LRRC8D: variants seen among roughly 807,000 people sequenced by gnomAD.
LRRC8D encodes the protein volume-regulated anion channel subunit LRRC8D.
LRRC8D carries 20 observed loss-of-function variants against 55.8 expected under a neutral mutation model. The observed-to-expected ratio is 0.36, with a 90% CI of 0.25 to 0.52. LRRC8D has a LOEUF of 0.52. Among genes scored for constraint, LRRC8D ranks in the 20% least tolerant of loss-of-function variants. The pLI is 0.93. For missense variants in LRRC8D, 651 were observed against 1,030.8 expected, an observed-to-expected ratio of 0.63 and a Z score of 5.05; for synonymous variants, 352 against 377.0, an observed-to-expected ratio of 0.93 and a Z score of 0.77.
intron 2 of LRRC8D, among the ~76,000 whole-genome samples, chr1:89,870,855 G>T (rs1661989502): frequency 6.6e-6 from 1 of 152,186 alleles, no homozygotes; most frequent in South Asian, 2.1e-4. Context: ...GTGAACATTT[G>T]TTCAATTTGG....
At chr1:89,850,925 G>A (rs1415251718) in intron 2 of LRRC8D, among the ~76,000 whole-genome samples, 1 of 152,042 alleles carries the variant, frequency 6.6e-6, no homozygotes, top group African/African-American at 2.4e-5. Context: ...TTAACTTTTT[G>A]CAGCTACACA....
At chr1:89,883,214 G>A (rs1662327803) in intron 2 of LRRC8D, among the ~76,000 whole-genome samples, 1 of 151,082 alleles carries the variant, frequency 6.6e-6, no homozygotes. Flanking sequence ...CAAAATACGT[G>A]TGTAGGCGTG....
intron 2 of LRRC8D, among the ~76,000 whole-genome samples, chr1:89,849,174 T>C (rs1661351289): frequency 6.6e-6 from 1 of 152,250 alleles, no homozygotes; most frequent in South Asian, 2.1e-4. Flanking sequence ...ATGATCATGG[T>C]TTGTTTAGTC....
At chr1:89,909,105 T>G (rs1663068799) in intron 2 of LRRC8D, among the ~76,000 whole-genome samples, 1 of 152,074 alleles carries the variant, frequency 6.6e-6, no homozygotes, top group South Asian at 2.1e-4. Context: ...TCTTTCAGTT[T>G]TTCAACAACA....
chr1:89,906,447 A>G (rs1345716008), intron 2 of LRRC8D, among the ~76,000 whole-genome samples: 2 of 152,178 alleles, frequency 1.3e-5, no homozygotes, highest in Non-Finnish European at 2.9e-5. Context: ...ACTTAACTGA[A>G]ACAACCCCAA....
intron 2 of LRRC8D, among the ~76,000 whole-genome samples, chr1:89,889,793 G>A (rs1207297331): frequency 6.6e-6 from 1 of 152,026 alleles, no homozygotes; most frequent in Non-Finnish European, 1.5e-5. Context: ...TGAGGTAGGA[G>A]GATCGCTTGA....
chr1:89,867,620 A>G (rs1415134727), intron 2 of LRRC8D, among the ~76,000 whole-genome samples: 7 of 152,272 alleles, frequency 4.6e-5, no homozygotes, highest in South Asian at 2.1e-4. Context: ...TCTTGCGTGT[A>G]TTCTGCCTAG....
At chr1:89,912,392 T>C (rs1663154880) in intron 2 of LRRC8D, among the ~76,000 whole-genome samples, 2 of 152,174 alleles carry the variant, frequency 1.3e-5, no homozygotes, top group South Asian at 4.2e-4. Flanking sequence ...CCTTCAATTT[T>C]CCAACCCTCA....
chr1:89,851,666 C>T (rs1661421425), intron 2 of LRRC8D, among the ~76,000 whole-genome samples: 1 of 152,046 alleles, frequency 6.6e-6, no homozygotes, highest in South Asian at 2.1e-4. Flanking sequence ...CACATTGCCA[C>T]ATCTGGCTAA....
At chr1:89,905,117 CAT>C (rs1436121725) in intron 2 of LRRC8D, among the ~76,000 whole-genome samples, 8 of 152,120 alleles carry the variant, frequency 5.3e-5, no homozygotes, top group African/African-American at 1.9e-4. Flanking sequence ...TTTCAGCACA[CAT>C]AAAAGAAGCC....
intron 1 of LRRC8D, among the ~76,000 whole-genome samples, chr1:89,829,374 G>A (rs954186276): frequency 1.3e-5 from 2 of 152,112 alleles, no homozygotes; most frequent in Non-Finnish European, 1.5e-5. Context: ...CCCACTCTAC[G>A]GATGAGGTCA....
intron 1 of LRRC8D, among the ~76,000 whole-genome samples, chr1:89,821,701 C>T (rs1660637830): frequency 6.6e-6 from 1 of 152,124 alleles, no homozygotes; most frequent in South Asian, 2.1e-4. Context: ...TGTTTGGTGT[C>T]TGGCCTTGCT....
At chr1:89,921,295 G>A (rs922948117) in intron 2 of LRRC8D, among the ~76,000 whole-genome samples, 1 of 151,980 alleles carries the variant, frequency 6.6e-6, no homozygotes, top group Non-Finnish European at 1.5e-5. Flanking sequence ...CCAAGATCAC[G>A]CCACTGCACT....
intron 1 of LRRC8D, among the ~76,000 whole-genome samples, chr1:89,838,744 A>G (rs1661062973): frequency 6.6e-6 from 1 of 152,216 alleles, no homozygotes; most frequent in African/African-American, 2.4e-5. Flanking sequence ...GAAGAATGAG[A>G]GAGGAAGCTT....
At chr1:89,929,368 G>C (rs1570898125) in intron 2 of LRRC8D, among the ~76,000 whole-genome samples, 1 of 152,220 alleles carries the variant, frequency 6.6e-6, no homozygotes, top group East Asian at 1.9e-4. Context: ...AGAATGGCTT[G>C]TTAGAGAAAC....
Position 89,843,762 on chromosome 1 carries a change from CAGGGT to C in LRRC8D, c.-22_-18del. Reference sequence around the variant, plus strand: ...GTCCCCAGAGAGCGCCCTGAGAGAACAGGGTGGCCGCTTGGTCCAGGTGCGCGGGG... The same window carrying C: ...GTCCCCAGAGAGCGCCCTGAGAGAACGGCCGCTTGGTCCAGGTGCGCGGGG... On this transcript the variant is annotated 5_prime_UTR_variant, in exon 2 of 3. Coordinates refer to ENST00000337338, the MANE Select transcript of LRRC8D (RefSeq NM_001134479.2). 1.4e-6 allele frequency: 1 copy of C among 694,248 alleles called. No homozygotes were observed. Among genetic ancestry groups the C allele is most frequent in the South Asian group, 1.5e-5 (1 of 66,524 alleles). The allele number at this position is 694,248 out of a possible 1,614,324, so 43.0% of individuals were successfully genotyped here.
intron 1 of LRRC8D, among the ~76,000 whole-genome samples, chr1:89,833,322 T>C (rs1570803210): frequency 6.6e-6 from 1 of 152,338 alleles, no homozygotes; most frequent in East Asian, 1.9e-4. Context: ...TGGAACACCG[T>C]ACTAAAACGC....
chr1:89,871,237 A>C (rs1289406607), intron 2 of LRRC8D, among the ~76,000 whole-genome samples: 1 of 152,148 alleles, frequency 6.6e-6, no homozygotes, highest in African/African-American at 2.4e-5. Flanking sequence ...AAATTATCTT[A>C]TGTCTATCTA....
intron 2 of LRRC8D, among the ~76,000 whole-genome samples, chr1:89,926,285 T>A (rs1468805778): frequency 6.6e-6 from 1 of 152,272 alleles, no homozygotes; most frequent in Non-Finnish European, 1.5e-5. Context: ...TTAAAAGTAG[T>A]GGCAAAAACT....
Sources: allele counts gnomAD v4.1 joint callset (sites outside exome capture counted in the v4.1 genomes callset), GRCh38; gene constraint gnomAD v4.1.1; transcripts MANE v1.5; gene names NCBI Gene and HGNC (gene_info 2026-07-23, HGNC 2026-07-21).